SSBP2: variants seen among roughly 807,000 people sequenced by gnomAD.
The protein encoded by SSBP2 is single-stranded DNA-binding protein 2.
In SSBP2, 17 loss-of-function variants were observed where a neutral mutation model predicts 61.8. That is an observed-to-expected ratio of 0.28 (90% CI 0.19 to 0.41). The LOEUF is 0.41. SSBP2 is among the 10% of genes least tolerant of loss of function. The pLI is 1.00. For missense variants in SSBP2, 310 were observed against 458.7 expected (o/e 0.68, Z 2.96); for synonymous variants, 139 against 141.3 (o/e 0.98, Z 0.12).
At chr5:81,627,019 G>A (rs1747234668) in intron 3 of SSBP2, among the ~76,000 whole-genome samples, 1 of 152,166 alleles carries the variant, frequency 6.6e-6, no homozygotes, top group Non-Finnish European at 1.5e-5. Flanking sequence ...CAGAGACAAA[G>A]AGATGACATA....
At chr5:81,566,501 T>C (rs1221894035) in intron 4 of SSBP2, among the ~76,000 whole-genome samples, 3 of 152,202 alleles carry the variant, frequency 2.0e-5, no homozygotes, top group Non-Finnish European at 4.4e-5. Context: ...CTGCCATGAT[T>C]GTGAGGCTTC....
intron 1 of SSBP2, among the ~76,000 whole-genome samples, chr5:81,684,614 T>C (rs1345000505): frequency 6.6e-6 from 1 of 152,146 alleles, no homozygotes; most frequent in Non-Finnish European, 1.5e-5. Context: ...CCTACTGGGT[T>C]TTATACATGC....
Position 81,461,061 on chromosome 5 carries a change from G to T in SSBP2, c.681C>A (p.Ala227=). 6.4e-7 allele frequency: 1 copy of T among 1,564,384 alleles called. No homozygotes were observed. Among genetic ancestry groups the T allele is most frequent in the East Asian group, 2.3e-5 (1 of 43,330 alleles). ...AATATATATATATACTCACTGAATTGGCATTTGTTGGGTTTGGCCAAGGTC... is the reference window on the plus strand; with the variant it reads ...AATATATATATATACTCACTGAATTTGCATTTGTTGGGTTTGGCCAAGGTC... Residue 227 remains alanine (A), a synonymous_variant, in exon 10 of 17, where the codon GCC becomes GCA. Transcript: ENST00000320672.
chr5:81,547,527 C>A (rs762452973), intron 4 of SSBP2, among the ~76,000 whole-genome samples: 6 of 152,098 alleles, frequency 3.9e-5, no homozygotes, highest in African/African-American at 1.2e-4. Context: ...AGTGCAGTGG[C>A]ACAATCATAG....
In SSBP2 at chr5:81,447,339, T is replaced by A. The variant is rs576735224; in HGVS notation, c.724-417A>T. On this transcript the variant is annotated intron_variant, in intron 11 of 16. Coordinates refer to ENST00000320672, the MANE Select transcript of SSBP2 (RefSeq NM_012446.5). ...GATATCTGCTTATTGATTCATATTT[T>A]AAAAAAATGCACTGATGTCATTTCT... Among the ~76,000 whole-genome samples, 10 of 152,292 alleles carry A rather than the reference T, an allele frequency of 6.6e-5. No individual in the cohort carries two copies. In the South Asian group the frequency reaches 8.3e-4, roughly 13 times the overall value.
intron 1 of SSBP2, among the ~76,000 whole-genome samples, chr5:81,652,943 CTT>C (rs780568774): frequency 6.9e-6 from 1 of 144,608 alleles, no homozygotes. Flanking sequence ...CACTGTATCA[CTT>C]TTTTTTTTTT....
At chr5:81,701,925 TA>T (rs1754008484) in intron 1 of SSBP2, among the ~76,000 whole-genome samples, 1 of 152,242 alleles carries the variant, frequency 6.6e-6, no homozygotes, top group Admixed American at 6.5e-5. Context: ...ACATAGTAGT[TA>T]ATGAAAAGTT....
chr5:81,605,233 T>C (rs1168004847), intron 4 of SSBP2, among the ~76,000 whole-genome samples: 1 of 152,150 alleles, frequency 6.6e-6, no homozygotes, highest in African/African-American at 2.4e-5. Context: ...GTACAGTGTC[T>C]ATCTTCTTAT....
At chr5:81,643,697 G>A (rs1230896553) in intron 2 of SSBP2, among the ~76,000 whole-genome samples, 3 of 146,944 alleles carry the variant, frequency 2.0e-5, no homozygotes, top group African/African-American at 5.1e-5. Context: ...CCACTGCCCA[G>A]GCTCAAGCGA....
intron 9 of SSBP2, among the ~76,000 whole-genome samples, chr5:81,462,704 T>G (rs6896009): frequency 1.3e-5 from 2 of 151,964 alleles, no homozygotes; most frequent in Non-Finnish European, 2.9e-5. Flanking sequence ...ACATAAGATA[T>G]GTGTTGACCA....
At chr5:81,740,353 G>A (rs1205188049) in intron 1 of SSBP2, among the ~76,000 whole-genome samples, 1 of 149,724 alleles carries the variant, frequency 6.7e-6, no homozygotes, top group Non-Finnish European at 1.5e-5. Flanking sequence ...TAGCTTCCCA[G>A]GATAGCTAGC....
chr5:81,694,954 C>T (rs1314540703), intron 1 of SSBP2, among the ~76,000 whole-genome samples: 1 of 152,108 alleles, frequency 6.6e-6, no homozygotes. Flanking sequence ...GAGCTGTGAC[C>T]ACACCACTGA....
At chr5:81,436,185 C>CAAAA (rs34499225) in intron 15 of SSBP2, among the ~76,000 whole-genome samples, 602 of 54,474 alleles carry the variant, frequency 0.011, 13 homozygotes, top group African/African-American at 0.03. Flanking sequence ...AAGACTCCAT[C>CAAAA]AAAAAAAAAA....
intron 1 of SSBP2, among the ~76,000 whole-genome samples, chr5:81,712,940 CTGA>C (rs1754900538): frequency 6.6e-6 from 1 of 151,678 alleles, no homozygotes. Context: ...CTTGTACAGG[CTGA>C]TCCTGAACTT....
chr5:81,622,596 C>G (rs771558326), intron 3 of SSBP2, among the ~76,000 whole-genome samples: 1 of 152,136 alleles, frequency 6.6e-6, no homozygotes, highest in African/African-American at 2.4e-5. Context: ...TGACATATAA[C>G]AAGAATGTTA....
At chr5:81,548,975 TATAC>T (rs1246570870) in intron 4 of SSBP2, among the ~76,000 whole-genome samples, 1 of 152,196 alleles carries the variant, frequency 6.6e-6, no homozygotes, top group East Asian at 1.9e-4. Context: ...ACTGAAATTT[TATAC>T]ATATTTAACT....
intron 10 of SSBP2, among the ~76,000 whole-genome samples, chr5:81,460,656 A>C (rs896731848): frequency 2.0e-5 from 3 of 152,224 alleles, no homozygotes; most frequent in African/African-American, 4.8e-5. Context: ...TATAGCAAAT[A>C]AAATCATAAT....
chr5:81,683,235 G>A (rs1201696949), intron 1 of SSBP2, among the ~76,000 whole-genome samples: 1 of 152,114 alleles, frequency 6.6e-6, no homozygotes, highest in Admixed American at 6.6e-5. Flanking sequence ...TCAGAGGACT[G>A]ACACTATTTG....
chr5:81,726,867 A>G (rs193035897), intron 1 of SSBP2, among the ~76,000 whole-genome samples: 51 of 152,312 alleles, frequency 3.3e-4, no homozygotes, highest in Admixed American at 2.9e-3. Context: ...TGAATGAACT[A>G]AAGTCCCACA....
Sources: gnomAD v4.1 joint callset for allele counts (sites outside exome capture counted in the v4.1 genomes callset) on GRCh38, gnomAD v4.1.1 for gene constraint, MANE v1.5 for transcripts, NCBI Gene and HGNC (gene_info 2026-07-23, HGNC 2026-07-21) for gene names.